Variants in MED12L observed in about 807,000 individuals in gnomAD.
The protein encoded by MED12L is mediator complex subunit 12L, also known as mediator of RNA polymerase II transcription subunit 12-like protein.
Under a neutral mutation model 281.3 loss-of-function variants are expected in MED12L, and 60 were observed. That is an observed-to-expected ratio of 0.21 (90% CI 0.17 to 0.26). The LOEUF is 0.26. Ranked by LOEUF, MED12L falls within the 10% of genes least tolerant of loss-of-function variation. The probability of loss-of-function intolerance (pLI) is 1.00; values close to 1 mark genes in which losing one functional copy is unlikely to be tolerated. For synonymous variants in MED12L, 974 were observed against 987.2 expected (o/e 0.99, Z 0.25); for missense variants, 2,146 against 2,680.9 (o/e 0.80, Z 4.41).
At chr3:151,329,346 TTGC>T (rs1750085175) in intron 16 of MED12L, 1 of 605,148 alleles carries the variant, frequency 1.7e-6, no homozygotes, top group Non-Finnish European at 2.9e-6. Flanking sequence ...ATACATCAGA[TTGC>T]TGTAAATTAT....
chr3:151,213,420 G>A (rs763811837), intron 16 of MED12L: 3 of 1,614,082 alleles, frequency 1.9e-6, no homozygotes, highest in African/African-American at 2.7e-5. Flanking sequence ...TAAACGGCTG[G>A]CATAGAAAGA....
In MED12L at chr3:151,436,199, C is replaced by CTTAT. The variant is rs1553826840; in HGVS notation, c.*3398_*3401dup. ...TGGTGAATCATAAGACAGTTCAGTG[C>CTTAT]TTATTTTCTGTAGGTTTTAGCAAAA... On this transcript the variant is annotated 3_prime_UTR_variant, in exon 45 of 45. Transcript: ENST00000687756. The CTTAT allele has an allele frequency of 6.5e-6, 1 of 153,738 alleles. No individual in the cohort carries two copies. Among genetic ancestry groups the CTTAT allele is most frequent in the African/African-American group, 2.4e-5 (1 of 41,414 alleles). The allele number at this position is 153,738 out of a possible 1,614,324, so 9.5% of individuals were successfully genotyped here.
At chr3:151,228,425 A>G (rs1437688971) in intron 16 of MED12L, among the ~76,000 whole-genome samples, 1 of 152,084 alleles carries the variant, frequency 6.6e-6, no homozygotes, top group Non-Finnish European at 1.5e-5. Flanking sequence ...CTCAGCTGAT[A>G]ACAGAATAAA....
intron 16 of MED12L, among the ~76,000 whole-genome samples, chr3:151,301,273 A>G (rs1309735968): frequency 6.6e-6 from 1 of 152,162 alleles, no homozygotes; most frequent in Admixed American, 6.5e-5. Flanking sequence ...TATAATAATG[A>G]TCTTTGGATT....
intron 44 of MED12L, among the ~76,000 whole-genome samples, chr3:151,430,683 G>C (rs1358627827): frequency 2.8e-5 from 4 of 144,658 alleles, no homozygotes; most frequent in African/African-American, 1.0e-4. Context: ...GGTGTCCTTT[G>C]TTTAAAGCTG....
chr3:151,256,350 A>C (rs1209700877), intron 16 of MED12L, among the ~76,000 whole-genome samples: 1 of 152,172 alleles, frequency 6.6e-6, no homozygotes, highest in Admixed American at 6.5e-5. Flanking sequence ...AACATGCCTA[A>C]GGTAATAGGA....
intron 16 of MED12L, among the ~76,000 whole-genome samples, chr3:151,276,470 C>T (rs1054222295): frequency 1.3e-5 from 2 of 152,210 alleles, no homozygotes; most frequent in Non-Finnish European, 2.9e-5. Context: ...GTGTTGGTGT[C>T]AGCCTACCTC....
intron 9 of MED12L, among the ~76,000 whole-genome samples, chr3:151,165,032 T>TA (rs11450364): frequency 0.91 from 136,800 of 149,988 alleles, 62,610 homozygotes; most frequent in Non-Finnish European, 0.96. Context: ...ATTCATCCAT[T>TA]AAAAAAAAAG....
At chr3:151,229,572 G>A (rs979255862) in intron 16 of MED12L, among the ~76,000 whole-genome samples, 9 of 146,884 alleles carry the variant, frequency 6.1e-5, no homozygotes, top group African/African-American at 2.0e-4. Context: ...TCCGCCTCCC[G>A]GGTTCATGCC....
At chr3:151,404,900 A>G (rs924140402) in intron 39 of MED12L, among the ~76,000 whole-genome samples, 4 of 152,196 alleles carry the variant, frequency 2.6e-5, no homozygotes, top group African/African-American at 9.6e-5. Context: ...AGATCTTCAC[A>G]TTTTCTCATT....
intron 16 of MED12L, among the ~76,000 whole-genome samples, chr3:151,227,047 A>G (rs770656775): frequency 4.8e-4 from 73 of 152,190 alleles, no homozygotes; most frequent in Admixed American, 3.7e-3. Context: ...TTTCTCTGGC[A>G]GGAGATGTGA....
intron 11 of MED12L, among the ~76,000 whole-genome samples, chr3:151,182,792 T>A (rs909151671): frequency 5.3e-5 from 8 of 152,094 alleles, no homozygotes; most frequent in African/African-American, 1.7e-4. Flanking sequence ...ATCAGGTGAT[T>A]GTGGTCAGCA....
chr3:151,255,802 G>A (rs929432911), intron 16 of MED12L, among the ~76,000 whole-genome samples: 1 of 152,096 alleles, frequency 6.6e-6, no homozygotes, highest in African/African-American at 2.4e-5. Flanking sequence ...GTTAAATTTG[G>A]ATATACAAGC....
At position 151,335,480 on chromosome 3, in the gene MED12L, G is replaced by A. The variant is rs145174941; in HGVS notation, c.2251-14579G>A. Among the ~76,000 whole-genome samples the A allele has an allele frequency of 1.1e-3, 161 of 152,264 alleles. 1 individual carries two copies. Among genetic ancestry groups the A allele is most frequent in the African/African-American group, 3.7e-3 (152 of 41,562 alleles). ...CAGACCTTTTCTGTAAGAAACCACTGAGAAAAACTGTCAATAACCAATACC... is the reference window on the plus strand; with the variant it reads ...CAGACCTTTTCTGTAAGAAACCACTAAGAAAAACTGTCAATAACCAATACC... On this transcript the variant is annotated intron_variant, in intron 16 of 44. Transcript: ENST00000687756.
chr3:151,425,474 C>T (rs535845466), intron 43 of MED12L: 9 of 355,800 alleles, frequency 2.5e-5, no homozygotes, highest in African/African-American at 1.7e-4. Flanking sequence ...GATCATGGCT[C>T]ACTGCAGTCT....
At chr3:151,141,653 T>G (rs1210047526) in intron 5 of MED12L, among the ~76,000 whole-genome samples, 1 of 152,230 alleles carries the variant, frequency 6.6e-6, no homozygotes, top group Non-Finnish European at 1.5e-5. Flanking sequence ...AGCCTTTAAG[T>G]AAGAATTGGG....
At chr3:151,245,370 A>G (rs1232931258) in intron 16 of MED12L, among the ~76,000 whole-genome samples, 1 of 151,614 alleles carries the variant, frequency 6.6e-6, no homozygotes, top group Non-Finnish European at 1.5e-5. Context: ...AAAATCCTCA[A>G]TAAAATACTG....
intron 20 of MED12L, among the ~76,000 whole-genome samples, chr3:151,358,529 G>T (rs1440668532): frequency 6.6e-6 from 1 of 151,844 alleles, no homozygotes; most frequent in Non-Finnish European, 1.5e-5. Flanking sequence ...CCCATTAGTT[G>T]GTCATGAAAT....
chr3:151,324,487 A>G (rs1749353416), intron 16 of MED12L, among the ~76,000 whole-genome samples: 1 of 152,086 alleles, frequency 6.6e-6, no homozygotes. Flanking sequence ...AGAAAATTAG[A>G]CCTGAGGTTG....
Sources: gnomAD v4.1 joint callset for allele counts (sites outside exome capture counted in the v4.1 genomes callset) on GRCh38, gnomAD v4.1.1 for gene constraint, MANE v1.5 for transcripts, NCBI Gene and HGNC (gene_info 2026-07-23, HGNC 2026-07-21) for gene names.